CABIN1: variants seen among roughly 807,000 people sequenced by gnomAD.
CABIN1 encodes calcineurin binding protein 1.
A neutral mutation model predicts 227.7 loss-of-function variants in CABIN1; 133 were observed. The ratio of observed to expected loss-of-function variants is 0.58; its 90% CI spans 0.51 to 0.67. The LOEUF is 0.67. Among genes scored for constraint, CABIN1 ranks in the 30% least tolerant of loss-of-function variants. CABIN1 has a pLI of 0.00. For missense variants in CABIN1, 2,408 were observed against 2,852.5 expected, an observed-to-expected ratio of 0.84 and a Z score of 3.55; for synonymous variants, 1,086 against 1,155.1, an observed-to-expected ratio of 0.94 and a Z score of 1.21.
intron 1 of CABIN1, among the ~76,000 whole-genome samples, chr22:24,025,230 G>A (rs188511818): frequency 3.0e-4 from 46 of 152,154 alleles, no homozygotes; most frequent in African/African-American, 1.0e-3. Flanking sequence ...AACTATTTTT[G>A]CAAAATGTAT....
At chr22:24,131,084 C>A (rs1344619888) in intron 28 of CABIN1, among the ~76,000 whole-genome samples, 1 of 152,246 alleles carries the variant, frequency 6.6e-6, no homozygotes, top group African/African-American at 2.4e-5. Flanking sequence ...GGCAGGGAAG[C>A]AGAGTCTATG....
intron 7 of CABIN1, among the ~76,000 whole-genome samples, chr22:24,050,531 T>A (rs899601903): frequency 6.6e-6 from 1 of 152,220 alleles, no homozygotes; most frequent in Non-Finnish European, 1.5e-5. Context: ...AAAGATTTTA[T>A]TTTTCTGTGG....
intron 29 of CABIN1, among the ~76,000 whole-genome samples, chr22:24,139,147 T>TA (rs750113242): frequency 5.3e-5 from 8 of 152,166 alleles, no homozygotes; most frequent in Non-Finnish European, 7.4e-5. Flanking sequence ...TTCAGACACA[T>TA]AGAGTCCACA....
intron 4 of CABIN1, 122 bp downstream of exon 4, chr22:24,038,583 T>C: frequency 1.4e-6 from 1 of 725,508 alleles, no homozygotes; most frequent in South Asian, 1.4e-5. Context: ...AAAACATTAT[T>C]TCACCTCTCT....
In CABIN1 at chr22:24,063,135, C is replaced by G; in HGVS notation, c.1873C>G (p.Leu625Val). The G allele has an allele frequency of 6.2e-7, 1 of 1,614,120 alleles. No homozygotes were observed. Among genetic ancestry groups the G allele is most frequent in the South Asian group, 1.1e-5 (1 of 91,072 alleles). Residue 625 changes from leucine (L) to valine (V), a missense_variant, in exon 14 of 37, where the codon CTG becomes GTG. By Grantham distance (32) the Leu-to-Val change is conservative. Around this residue, in one of 3 missense-constraint regions of CABIN1, gnomAD observed 1,045 missense variants for 1,168.4 expected, o/e 0.89. Coordinates refer to ENST00000263119, the MANE Select transcript of CABIN1 (RefSeq NM_012295.4). ...TGTTTACTGGCTGAAGGCTCGCTTC[C>G]TGGCGCTGCAGGTTAGTTCCATGGT... is the stretch of plus-strand genomic sequence containing the variant. The part of the protein sequence containing the change: ...VRVYWLKARF[L>V]ALQGDMEQAL...
chr22:24,086,360 A>G (rs2041163196), intron 22 of CABIN1, among the ~76,000 whole-genome samples: 1 of 152,226 alleles, frequency 6.6e-6, no homozygotes. Context: ...GGCTCATGGC[A>G]GCTTAACTGG....
At chr22:24,031,750 C>T (rs971825986) in intron 1 of CABIN1, among the ~76,000 whole-genome samples, 3 of 152,138 alleles carry the variant, frequency 2.0e-5, no homozygotes, top group Non-Finnish European at 2.9e-5. Flanking sequence ...TTCTAATCTC[C>T]AGTGGGCTCC....
chr22:24,060,129 C>A lies in CABIN1; in HGVS notation c.1605C>A (p.Asn535Lys), dbSNP rs755943205. Reference protein sequence around the residue: ...LPNPLLRDCSNKHIKDMMLMS... With the variant: ...LPNPLLRDCSKKHIKDMMLMS... ...ACCCGCTGCTGAGGGACTGCAGCAA[C>A]AAGCACATCAAGGTTAGGGGGAGCC... Residue 535 changes from asparagine (N) to lysine (K), a missense_variant, in exon 12 of 37, where the codon AAC becomes AAA. This residue lies in a region of CABIN1 where 1,045 missense variants were observed against 1,168.4 expected (regional missense o/e 0.89). Coordinates refer to ENST00000263119, the MANE Select transcript of CABIN1 (RefSeq NM_012295.4). 1 of 1,613,492 alleles carries A rather than the reference C, an allele frequency of 6.2e-7. No homozygotes were observed. Among genetic ancestry groups the A allele is most frequent in the South Asian group, 1.1e-5 (1 of 91,046 alleles).
intron 24 of CABIN1, among the ~76,000 whole-genome samples, chr22:24,095,254 C>T (rs756859827): frequency 6.6e-5 from 10 of 152,392 alleles, no homozygotes; most frequent in Non-Finnish European, 7.3e-5. Context: ...CTCACACCCA[C>T]TCCTGCATGA....
intron 6 of CABIN1, among the ~76,000 whole-genome samples, chr22:24,046,909 C>T (rs2037930739): frequency 6.6e-6 from 1 of 152,134 alleles, no homozygotes; most frequent in Non-Finnish European, 1.5e-5. Context: ...CCCCCCACCG[C>T]AATGTCCCAG....
At chr22:24,083,856 T>C (rs779434413) in intron 20 of CABIN1, among the ~76,000 whole-genome samples, 2 of 152,266 alleles carry the variant, frequency 1.3e-5, no homozygotes, top group Non-Finnish European at 2.9e-5. Flanking sequence ...TATGAATAAT[T>C]CCTTAGAGGT....
chr22:24,122,235 G>T (rs1422325243), intron 28 of CABIN1, among the ~76,000 whole-genome samples: 4 of 152,098 alleles, frequency 2.6e-5, no homozygotes, highest in Non-Finnish European at 5.9e-5. Context: ...GTTGGAGGGA[G>T]GTAACCACAA....
intron 33 of CABIN1, 67 bp downstream of exon 33, chr22:24,168,588 G>A (rs900361065): frequency 1.6e-6 from 2 of 1,271,210 alleles, no homozygotes; most frequent in African/African-American, 1.5e-5. Context: ...GCCCTAGGAT[G>A]CAGGCTGAGA....
rs2039421963 is a variant in CABIN1 at position 24,064,280 on chromosome 22, A to C, written c.2037+93A>C. Reference sequence around the variant, plus strand: ...GAGTGTAATAGTGCAATCTCGGCTCACTGCAACCTACACCTCTGGGGTTCA... The same window carrying C: ...GAGTGTAATAGTGCAATCTCGGCTCCCTGCAACCTACACCTCTGGGGTTCA... On this transcript the variant is annotated intron_variant, in intron 15 of 36. Coordinates refer to ENST00000263119, the MANE Select transcript of CABIN1 (RefSeq NM_012295.4). 2.8e-5 allele frequency: 37 copies of C among 1,306,304 alleles called. No individual in the cohort carries two copies. In the South Asian group the frequency reaches 4.2e-4, roughly 15 times the overall value. 80.9% of individuals were successfully genotyped at this position (1,306,304 alleles called of 1,614,324 possible). A position where few individuals can be genotyped will look rare whatever the true frequency, so the allele number is the denominator to read the frequency against.
At chr22:24,089,357 A>G (rs907283173) in intron 23 of CABIN1, among the ~76,000 whole-genome samples, 1 of 152,120 alleles carries the variant, frequency 6.6e-6, no homozygotes, top group African/African-American at 2.4e-5. Flanking sequence ...TCTTTCCTCT[A>G]CTTAGGCTCA....
chr22:24,149,669 C>T (rs779618692), intron 29 of CABIN1, among the ~76,000 whole-genome samples: 8 of 152,218 alleles, frequency 5.3e-5, no homozygotes, highest in Non-Finnish European at 8.8e-5. Flanking sequence ...GGCTCTTCCC[C>T]GTGGACTCCA....
chr22:24,098,249 G>C lies in CABIN1; in HGVS notation c.4117+57G>C, dbSNP rs1391268617. 1.7e-5 allele frequency: 28 copies of C among 1,610,710 alleles called. No individual in the cohort carries two copies. In the East Asian group the frequency reaches 3.8e-4, roughly 22 times the overall value. ...AGGGCGGCACATCAATCACGGGGGG[G>C]TGCTCGGACGACTCATTTTGTCGCT... is the stretch of plus-strand genomic sequence containing the variant. On this transcript the variant is annotated intron_variant, in intron 26 of 36. Transcript: ENST00000263119.
chr22:24,032,001 A>C (rs9620352), intron 1 of CABIN1, among the ~76,000 whole-genome samples: 6,371 of 152,266 alleles, frequency 0.042, 249 homozygotes, highest in African/African-American at 0.1. Flanking sequence ...TGGAAACAAA[A>C]TTTACCATTT....
intron 1 of CABIN1, among the ~76,000 whole-genome samples, chr22:24,012,299 A>C (rs1245772521): frequency 6.6e-6 from 1 of 152,204 alleles, no homozygotes; most frequent in African/African-American, 2.4e-5. Context: ...ATATATTGTT[A>C]ATATAATTTT....
Sources: gnomAD v4.1 joint callset for allele counts (sites outside exome capture counted in the v4.1 genomes callset) on GRCh38, gnomAD v4.1.1 for gene constraint, gnomAD v4.1.1 regional missense constraint, MANE v1.5 for transcripts, NCBI Gene and HGNC (gene_info 2026-07-23, HGNC 2026-07-21) for gene names.